The following CLCA1 variants were observed in gnomAD, a reference collection of about 807,000 sequenced individuals.
The protein encoded by CLCA1 is chloride channel accessory 1.
In CLCA1, 59 loss-of-function variants were observed where a neutral mutation model predicts 85.6. The observed-to-expected ratio is 0.69, with a 90% CI of 0.56 to 0.86. CLCA1 has a LOEUF of 0.86. Among genes scored for constraint, CLCA1 ranks in the 40% least tolerant of loss-of-function variants. The pLI is 0.00. For missense variants in CLCA1, 1,022 were observed against 1,101.4 expected (o/e 0.93, Z 1.02); for synonymous variants, 396 against 398.3 (o/e 0.99, Z 0.07).
At chr1:86,481,242 T>A (rs976469555) in intron 4 of CLCA1, among the ~76,000 whole-genome samples, 3 of 152,052 alleles carry the variant, frequency 2.0e-5, no homozygotes, top group African/African-American at 4.8e-5. Context: ...GTTCAAGCAA[T>A]TCTCGTGCCT....
At chr1:86,471,134 T>TA (rs1455000481) in intron 1 of CLCA1, among the ~76,000 whole-genome samples, 1 of 151,958 alleles carries the variant, frequency 6.6e-6, no homozygotes, top group Non-Finnish European at 1.5e-5. Flanking sequence ...CACGCAGACA[T>TA]ACACGCACAC....
At chr1:86,488,814 AG>A (rs1648057774) in intron 7 of CLCA1, among the ~76,000 whole-genome samples, 181 bp from the exon 8 acceptor site, 1 of 152,188 alleles carries the variant, frequency 6.6e-6, no homozygotes, top group Non-Finnish European at 1.5e-5. Context: ...ACAGCGGTCA[AG>A]TTCCATGAAT....
chr1:86,476,626 TA>T (rs1480331978), intron 4 of CLCA1, 73 bp downstream of exon 4: 2 of 684,896 alleles, frequency 2.9e-6, no homozygotes, highest in African/African-American at 1.8e-5. Context: ...TTGATTACTT[TA>T]AAAAATGTGT....
intron 10 of CLCA1, 27 bp from the exon 11 acceptor site, chr1:86,494,160 G>A: frequency 6.2e-7 from 1 of 1,611,232 alleles, no homozygotes; most frequent in Non-Finnish European, 8.5e-7. Context: ...GTTATTCATT[G>A]GAAATGTTTA....
chr1:86,489,226 T>C, intron 8 of CLCA1, 56 bp downstream of exon 8: 1 of 1,520,668 alleles, frequency 6.6e-7, no homozygotes, highest in Non-Finnish European at 9.0e-7. Context: ...GACTGTGAGC[T>C]CCAGTGAACT....
intron 8 of CLCA1, among the ~76,000 whole-genome samples, chr1:86,489,718 A>G (rs1158739582): frequency 6.6e-6 from 1 of 152,198 alleles, no homozygotes; most frequent in Non-Finnish European, 1.5e-5. Flanking sequence ...TCTAACTCCC[A>G]TACACAGACA....
intron 6 of CLCA1, among the ~76,000 whole-genome samples, chr1:86,486,117 G>A (rs1647960570): frequency 6.6e-6 from 1 of 151,934 alleles, no homozygotes; most frequent in African/African-American, 2.4e-5. Context: ...ACTGTAACGA[G>A]AACATCCTGG....
rs1483969424 is a variant in CLCA1 at position 86,482,390 on chromosome 1, C to T, written c.735+8C>T. ...GCACAACATGTTGATTCTGTAAGTA[C>T]CTTGTTCTCACCCCCTCCCCCAGAT... On this transcript the variant is annotated splice_region_variant and intron_variant, in intron 5 of 13. Coordinates refer to ENST00000394711, the MANE Select transcript of CLCA1 (RefSeq NM_001285.4). The T allele has an allele frequency of 6.2e-7, 1 of 1,610,138 alleles. No homozygotes were observed. The highest frequency in any genetic ancestry group is 8.5e-7 in the Non-Finnish European group (1 of 1,177,706).
Position 86,499,675 on chromosome 1 carries a change from TAAGTAC to T in CLCA1, c.2381_2386del (p.Thr794_Ser795del). 3 of 1,586,088 alleles carry T rather than the reference TAAGTAC, an allele frequency of 1.9e-6. No homozygotes were observed. The highest frequency in any genetic ancestry group is 2.6e-6 in the Non-Finnish European group (3 of 1,158,286). On this transcript the variant is annotated inframe_deletion, in exon 14 of 14. Coordinates refer to ENST00000394711, the MANE Select transcript of CLCA1 (RefSeq NM_001285.4). ...TTAGCTCACAAGTATATCATTCGAA[TAAGTAC>T]AAGTATTCTTGATCTCAGAGACAAG...
At chr1:86,469,800 C>T (rs1463618783) in intron 1 of CLCA1, among the ~76,000 whole-genome samples, 1 of 152,110 alleles carries the variant, frequency 6.6e-6, no homozygotes, top group African/African-American at 2.4e-5. Context: ...AAAGACCGCC[C>T]TGGAATCTGG....
rs762547673 is a variant in CLCA1, at chr1:86,488,985, T to C, written c.1183-11T>C. On this transcript the variant is annotated splice_polypyrimidine_tract_variant and intron_variant, in intron 7 of 13. Transcript: ENST00000394711. ...AAGTCTGATAACTCGTGCCCTAAAT[T>C]CTGTCCTTAGGTGATTAGGAAGAAA... is the stretch of plus-strand genomic sequence containing the variant. The C allele has an allele frequency of 1.9e-6, 3 of 1,610,790 alleles. No individual in the cohort carries two copies. The South Asian group carries it at 3.3e-5, about 18-fold the overall frequency.
chr1:86,481,485 TAA>T (rs1411095998), intron 4 of CLCA1, among the ~76,000 whole-genome samples: 6 of 152,052 alleles, frequency 3.9e-5, no homozygotes, highest in African/African-American at 7.2e-5. Context: ...TTAAATATGC[TAA>T]GTTTTTTTTA....
intron 5 of CLCA1, among the ~76,000 whole-genome samples, chr1:86,485,061 G>A (rs1300356470): frequency 1.3e-5 from 2 of 152,106 alleles, no homozygotes; most frequent in African/African-American, 2.4e-5. Flanking sequence ...GTGCTATGGA[G>A]AGAGCAGTGA....
At chr1:86,491,393 T>C in intron 9 of CLCA1, 22 bp downstream of exon 9, 1 of 1,523,110 alleles carries the variant, frequency 6.6e-7, no homozygotes, top group South Asian at 1.1e-5. Context: ...TAATCTTTGG[T>C]TTTTCATATT....
intron 5 of CLCA1, among the ~76,000 whole-genome samples, chr1:86,483,238 G>A (rs1225864214): frequency 6.6e-6 from 1 of 152,096 alleles, no homozygotes; most frequent in Admixed American, 6.6e-5. Flanking sequence ...TTTTAAATTA[G>A]CCACAGAGTT....
chr1:86,476,225 C>T (rs747782922), intron 3 of CLCA1, among the ~76,000 whole-genome samples: 11 of 152,180 alleles, frequency 7.2e-5, no homozygotes, highest in African/African-American at 1.2e-4. Flanking sequence ...GTCTGAATAA[C>T]GGCTTGGCAC....
At chr1:86,479,710 C>A (rs962522581) in intron 4 of CLCA1, among the ~76,000 whole-genome samples, 1 of 152,000 alleles carries the variant, frequency 6.6e-6, no homozygotes, top group Admixed American at 6.6e-5. Flanking sequence ...ACAGTGAAAC[C>A]CTGTCTCTAC....
intron 4 of CLCA1, among the ~76,000 whole-genome samples, chr1:86,481,433 G>A (rs557930431): frequency 3.3e-5 from 5 of 152,000 alleles, no homozygotes; most frequent in African/African-American, 4.8e-5. Flanking sequence ...GTCACCACAC[G>A]CAGCCACATT....
intron 4 of CLCA1, among the ~76,000 whole-genome samples, chr1:86,480,748 T>C (rs1647795096): frequency 6.6e-6 from 1 of 152,242 alleles, no homozygotes; most frequent in African/African-American, 2.4e-5. Flanking sequence ...TAGTAAGTTA[T>C]TGTCAGCAGG....
Sources: allele counts gnomAD v4.1 joint callset (sites outside exome capture counted in the v4.1 genomes callset), GRCh38; gene constraint gnomAD v4.1.1; transcripts MANE v1.5; gene names NCBI Gene and HGNC (gene_info 2026-07-23, HGNC 2026-07-21).